KIRREL1: variants seen among roughly 807,000 people sequenced by gnomAD.
KIRREL1 encodes the protein kirre like nephrin family adhesion molecule 1, also known as kin of IRRE-like protein 1.
A neutral mutation model predicts 83.3 loss-of-function variants in KIRREL1; 25 were observed. The observed-to-expected ratio is 0.30, with a 90% CI of 0.22 to 0.42. The LOEUF (loss-of-function observed/expected upper bound fraction) is 0.42. Among genes scored for constraint, KIRREL1 ranks in the 10% least tolerant of loss-of-function variants. The probability of loss-of-function intolerance (pLI) is 1.00; values close to 1 mark genes in which losing one functional copy is unlikely to be tolerated. For synonymous variants in KIRREL1, 388 were observed against 410.4 expected (o/e 0.95, Z 0.66); for missense variants, 812 against 1,032.3 (o/e 0.79, Z 2.92).
intron 4 of KIRREL1, among the ~76,000 whole-genome samples, chr1:158,085,768 AG>A (rs1349487546): frequency 1.3e-5 from 2 of 152,172 alleles, no homozygotes; most frequent in African/African-American, 2.4e-5. Context: ...AAACAGATCA[AG>A]GGTTCCTGTG....
intron 1 of KIRREL1, among the ~76,000 whole-genome samples, chr1:158,061,552 C>T (rs1379746677): frequency 6.6e-6 from 1 of 152,234 alleles, no homozygotes; most frequent in Admixed American, 6.5e-5. Flanking sequence ...TCCAGCTCCT[C>T]TCTAGGCAGT....
intron 1 of KIRREL1, among the ~76,000 whole-genome samples, chr1:158,035,484 G>C (rs7548850): frequency 0.73 from 111,358 of 152,196 alleles, 41,689 homozygotes; most frequent in East Asian, 0.87. Context: ...GAGAAATCAA[G>C]GGGGAGACAA....
chr1:158,084,406 C>T lies in KIRREL1; in HGVS notation c.353-16C>T. On this transcript the variant is annotated splice_polypyrimidine_tract_variant and intron_variant, in intron 3 of 14. Transcript: ENST00000359209. ...AGCCACACCCTGCACTGACTTTGCTCTGCTTTCTCCCACAGTCCCCCCAGA... is the reference window on the plus strand; with the variant it reads ...AGCCACACCCTGCACTGACTTTGCTTTGCTTTCTCCCACAGTCCCCCCAGA... 1 of 1,545,464 alleles carries T rather than the reference C, an allele frequency of 6.5e-7. No individual in the cohort carries two copies. The highest frequency in any genetic ancestry group is 8.7e-7 in the Non-Finnish European group (1 of 1,143,006).
chr1:158,044,764 C>T (rs189165740), intron 1 of KIRREL1, among the ~76,000 whole-genome samples: 24 of 152,208 alleles, frequency 1.6e-4, no homozygotes, highest in African/African-American at 5.5e-4. Context: ...GTGCCAGGCC[C>T]TTTTTCCAAG....
rs376469166 is a variant in KIRREL1 at position 158,091,505 on chromosome 1, G to A, written c.1420G>A (p.Ala474Thr). The change falls in exon 11 of 15, where the codon GCC (alanine) becomes ACC (threonine). Residue 474 changes from alanine (A) to threonine (T), a missense_variant. By Grantham distance (58) the Ala-to-Thr change is moderately conservative. Transcript: ENST00000359209. ...CTTTCAGACTCACTACAACTGCACC[G>A]CCTGGAACAGCTTCGGGCCAGGCAC... ...ADFQTHYNCT[A>T]WNSFGPGTAI... 6.2e-6 allele frequency: 10 copies of A among 1,614,220 alleles called. No homozygotes were observed. The highest frequency in any genetic ancestry group is 6.8e-6 in the Non-Finnish European group (8 of 1,180,032).
At chr1:158,087,092 CA>C (rs1662039327) in intron 5 of KIRREL1, among the ~76,000 whole-genome samples, 1 of 152,136 alleles carries the variant, frequency 6.6e-6, no homozygotes. Flanking sequence ...TTCGATGGTG[CA>C]GCCTGAACCA....
intron 1 of KIRREL1, among the ~76,000 whole-genome samples, chr1:158,023,619 C>A (rs1211096923): frequency 1.3e-5 from 2 of 152,090 alleles, no homozygotes; most frequent in Non-Finnish European, 2.9e-5. Flanking sequence ...GTAGGGGGAC[C>A]GGGAGACTTG....
intron 1 of KIRREL1, among the ~76,000 whole-genome samples, chr1:158,072,432 CT>C (rs1661541597): frequency 6.6e-6 from 1 of 152,204 alleles, no homozygotes; most frequent in Middle Eastern, 3.2e-3. Context: ...GTCCAGACTC[CT>C]GGAGTTGCCC....
At chr1:158,076,002 C>A in intron 1 of KIRREL1, 111 bp from the exon 2 acceptor site, 1 of 1,003,646 alleles carries the variant, frequency 1.0e-6, no homozygotes, top group Non-Finnish European at 1.4e-6. Flanking sequence ...ACCGGAGAGT[C>A]CCCATCCCCA....
intron 1 of KIRREL1, among the ~76,000 whole-genome samples, chr1:158,063,534 G>A (rs1375581996): frequency 6.6e-6 from 1 of 152,136 alleles, no homozygotes; most frequent in African/African-American, 2.4e-5. Flanking sequence ...TAACTAATTT[G>A]TCTCCCTTGA....
At chr1:158,088,215 C>T (rs1570996626) in intron 7 of KIRREL1, 61 bp downstream of exon 7, 1 of 1,612,832 alleles carries the variant, frequency 6.2e-7, no homozygotes, top group East Asian at 2.2e-5. Context: ...GGGCCTTGGA[C>T]AGAGTCGGGG....
chr1:158,017,466 C>T (rs1659863171), intron 1 of KIRREL1, among the ~76,000 whole-genome samples: 1 of 151,972 alleles, frequency 6.6e-6, no homozygotes, highest in South Asian at 2.1e-4. Flanking sequence ...CTGAGGAGGG[C>T]GGATCACTTG....
chr1:158,028,333 A>T (rs1338764315), intron 1 of KIRREL1, among the ~76,000 whole-genome samples: 2 of 152,096 alleles, frequency 1.3e-5, no homozygotes, highest in Non-Finnish European at 2.9e-5. Context: ...AACCCTCCCT[A>T]ATGTTGGGGA....
chr1:158,004,194 G>A (rs1288607931), intron 1 of KIRREL1, among the ~76,000 whole-genome samples: 1 of 152,150 alleles, frequency 6.6e-6, no homozygotes, highest in East Asian at 1.9e-4. Context: ...TTGAATGAGA[G>A]GACCTATATT....
intron 1 of KIRREL1, among the ~76,000 whole-genome samples, chr1:158,013,261 C>A (rs754172349): frequency 6.6e-6 from 1 of 152,172 alleles, no homozygotes; most frequent in Non-Finnish European, 1.5e-5. Flanking sequence ...ACATAAGCTG[C>A]GACTGACCTG....
chr1:158,058,828 C>G (rs1205954816), intron 1 of KIRREL1, among the ~76,000 whole-genome samples: 1 of 152,070 alleles, frequency 6.6e-6, no homozygotes, highest in East Asian at 1.9e-4. Context: ...GCTGGGGGTC[C>G]AAACCCAGCT....
chr1:158,009,589 G>A (rs578191625), intron 1 of KIRREL1, among the ~76,000 whole-genome samples: 11 of 152,282 alleles, frequency 7.2e-5, no homozygotes, highest in East Asian at 5.8e-4. Flanking sequence ...CTACTTCCTC[G>A]AAAAAGGAGG....
intron 1 of KIRREL1, among the ~76,000 whole-genome samples, chr1:157,995,944 C>T (rs376642420): frequency 5.9e-5 from 9 of 151,648 alleles, no homozygotes; most frequent in African/African-American, 1.9e-4. Context: ...CTGGGACACA[C>T]ATGGGGGTGG....
intron 1 of KIRREL1, among the ~76,000 whole-genome samples, chr1:158,010,408 C>CAT: frequency 8.2e-6 from 1 of 122,056 alleles, no homozygotes. Flanking sequence ...CACACACACA[C>CAT]ACACACACAC....
Sources: allele counts gnomAD v4.1 joint callset (sites outside exome capture counted in the v4.1 genomes callset), GRCh38; gene constraint gnomAD v4.1.1; transcripts MANE v1.5; gene names NCBI Gene and HGNC (gene_info 2026-07-23, HGNC 2026-07-21).